Variants in SGCZ observed in about 807,000 individuals in gnomAD.
SGCZ encodes zeta-sarcoglycan.
Under a neutral mutation model 41.3 loss-of-function variants are expected in SGCZ, and 40 were observed. That is an observed-to-expected ratio of 0.97 (90% CI 0.75 to 1.26). SGCZ has a LOEUF of 1.26. Ranked by LOEUF, SGCZ falls within the 50% of genes most tolerant of loss-of-function variation. The pLI, the probability that SGCZ is intolerant of heterozygous loss-of-function variation, is 0.00. For synonymous variants in SGCZ, 206 were observed against 137.5 expected (o/e 1.50, Z -3.49); for missense variants, 552 against 369.8 (o/e 1.49, Z -4.04).
chr8:14,383,766 A>C (rs1431401020), intron 2 of SGCZ, among the ~76,000 whole-genome samples: 1 of 152,154 alleles, frequency 6.6e-6, no homozygotes, highest in African/African-American at 2.4e-5. Flanking sequence ...CAATTTAGTG[A>C]GGTTGTAAGA....
intron 2 of SGCZ, among the ~76,000 whole-genome samples, chr8:14,532,094 T>C (rs1803149621): frequency 6.6e-6 from 1 of 152,104 alleles, no homozygotes; most frequent in African/African-American, 2.4e-5. Context: ...TTGTTTTAGT[T>C]AAAGAACTAT....
chr8:15,229,370 C>A (rs1452435852), intron 1 of SGCZ, among the ~76,000 whole-genome samples: 2 of 151,948 alleles, frequency 1.3e-5, no homozygotes, highest in African/African-American at 2.4e-5. Context: ...TTTCAAAAGT[C>A]AAAAATATTA....
chr8:14,494,045 C>G (rs933539864), intron 2 of SGCZ, among the ~76,000 whole-genome samples: 2 of 152,176 alleles, frequency 1.3e-5, no homozygotes, highest in African/African-American at 4.8e-5. Context: ...ACCCATTCAT[C>G]TCTTAAAAAC....
intron 1 of SGCZ, among the ~76,000 whole-genome samples, chr8:15,227,840 G>A (rs1029678634): frequency 6.6e-6 from 1 of 152,164 alleles, no homozygotes; most frequent in African/African-American, 2.4e-5. Flanking sequence ...AGAAAGCTGA[G>A]ACTGAGAAGA....
At chr8:14,269,175 G>A (rs368465327) in intron 3 of SGCZ, among the ~76,000 whole-genome samples, 1 of 151,968 alleles carries the variant, frequency 6.6e-6, no homozygotes, top group African/African-American at 2.4e-5. Context: ...GCAGCTTAAG[G>A]TTTTATCATA....
intron 2 of SGCZ, among the ~76,000 whole-genome samples, chr8:14,452,889 G>A (rs1306420236): frequency 6.6e-6 from 1 of 152,040 alleles, no homozygotes; most frequent in African/African-American, 2.4e-5. Context: ...GATCATTTGA[G>A]ATCAGGAGTT....
At position 14,106,326 on chromosome 8, in the gene SGCZ, A is replaced by T. The variant is rs527424018; in HGVS notation, c.620+1837T>A. ...TGCCTGAAAAAAGAGCCATAAATGA[A>T]GACCGTAGCATCCTATGAGATGCTG... On this transcript the variant is annotated intron_variant, in intron 6 of 7. Coordinates refer to ENST00000382080, the MANE Select transcript of SGCZ (RefSeq NM_139167.4). Among the ~76,000 whole-genome samples the T allele has an allele frequency of 4.6e-5, 7 of 152,340 alleles. No homozygotes were observed. The East Asian group carries it at 9.6e-4, about 21-fold the overall frequency.
rs199857160 is a variant in SGCZ at position 14,524,218 on chromosome 8, G to GT, written c.234+30513dup. 2.3e-3 allele frequency among the ~76,000 whole-genome samples: 341 copies of GT among 145,432 alleles called. 1 individual carries two copies. The highest frequency in any genetic ancestry group is 7.8e-3 in the East Asian group (39 of 4,972). ...GGCTCTGTTTCAATTTTCTGTTTTA[G>GT]TTTTTTTTTTTTCCTCTGGCACCAC... is the stretch of plus-strand genomic sequence containing the variant. On this transcript the variant is annotated intron_variant, in intron 2 of 7. Transcript: ENST00000382080.
At chr8:14,542,550 C>T (rs978688900) in intron 2 of SGCZ, among the ~76,000 whole-genome samples, 26 of 152,160 alleles carry the variant, frequency 1.7e-4, no homozygotes, top group African/African-American at 5.8e-4. Context: ...CATCCTGTTA[C>T]TTAGAGCACC....
chr8:14,572,682 T>C (rs1008770164), intron 1 of SGCZ, among the ~76,000 whole-genome samples: 21 of 152,174 alleles, frequency 1.4e-4, no homozygotes, highest in African/African-American at 5.1e-4. Flanking sequence ...GCCTCCCCTT[T>C]ATACAGATCA....
Position 14,897,530 on chromosome 8 carries a change from C to T in SGCZ, c.39+340055G>A, listed in dbSNP as rs564027000. 2.6e-5 allele frequency among the ~76,000 whole-genome samples: 4 copies of T among 152,274 alleles called. 1 individual carries two copies. The highest frequency in any genetic ancestry group is 4.8e-5 in the African/African-American group (2 of 41,562). On this transcript the variant is annotated intron_variant, in intron 1 of 7. Transcript: ENST00000382080. The stretch of plus-strand genomic sequence containing the variant: ...TTCAACATGTCAATGGTGAGGAAGG[C>T]ATCCAAATTGCACCCTCAGTCTAAT...
At chr8:14,639,238 G>A (rs1205947663) in intron 1 of SGCZ, among the ~76,000 whole-genome samples, 1 of 151,224 alleles carries the variant, frequency 6.6e-6, no homozygotes, top group Non-Finnish European at 1.5e-5. Context: ...GTTAGGAGAG[G>A]CAGCAATCCA....
chr8:15,087,552 C>T (rs879247788), intron 1 of SGCZ, among the ~76,000 whole-genome samples: 8 of 151,990 alleles, frequency 5.3e-5, no homozygotes, highest in Non-Finnish European at 8.8e-5. Context: ...AAAGCATTTG[C>T]GGATAAAGTT....
intron 3 of SGCZ, among the ~76,000 whole-genome samples, chr8:14,316,234 T>C (rs1043814575): frequency 2.6e-5 from 4 of 151,838 alleles, no homozygotes; most frequent in African/African-American, 7.3e-5. Flanking sequence ...AAATGAAATA[T>C]AGGGAGAAAA....
chr8:14,628,707 C>G lies in SGCZ; in HGVS notation c.40-73781G>C, dbSNP rs1806544616. 2.0e-5 allele frequency among the ~76,000 whole-genome samples: 3 copies of G among 152,166 alleles called. No individual in the cohort carries two copies. In the East Asian group the frequency reaches 5.8e-4, roughly 29 times the overall value. On this transcript the variant is annotated intron_variant, in intron 1 of 7. Coordinates refer to ENST00000382080, the MANE Select transcript of SGCZ (RefSeq NM_139167.4). ...TATTTACTCGTCTAATATCAAACTG[C>G]TTTTCATTTTGGTTATCTCCTCATA...
At chr8:15,081,805 G>T (rs913281250) in intron 1 of SGCZ, among the ~76,000 whole-genome samples, 3 of 152,160 alleles carry the variant, frequency 2.0e-5, no homozygotes, top group Non-Finnish European at 4.4e-5. Flanking sequence ...TTACAGGTGT[G>T]CTATGCAAGC....
intron 1 of SGCZ, among the ~76,000 whole-genome samples, chr8:14,688,504 T>C (rs1808691399): frequency 6.6e-6 from 1 of 152,166 alleles, no homozygotes; most frequent in South Asian, 2.1e-4. Flanking sequence ...CAGATAGTTG[T>C]AGATATGCAG....
At chr8:14,718,553 C>T (rs981444212) in intron 1 of SGCZ, among the ~76,000 whole-genome samples, 6 of 151,916 alleles carry the variant, frequency 3.9e-5, no homozygotes, top group Admixed American at 6.6e-5. Flanking sequence ...TGGCTGTGGA[C>T]GCAAACCCAG....
chr8:14,844,166 G>A (rs1414762125), intron 1 of SGCZ, among the ~76,000 whole-genome samples: 2 of 151,962 alleles, frequency 1.3e-5, no homozygotes, highest in African/African-American at 4.8e-5. Context: ...AAATGGCATA[G>A]TATTTACATA....
Sources: gnomAD v4.1 joint callset for allele counts (sites outside exome capture counted in the v4.1 genomes callset) on GRCh38, gnomAD v4.1.1 for gene constraint, MANE v1.5 for transcripts, NCBI Gene and HGNC (gene_info 2026-07-23, HGNC 2026-07-21) for gene names.